The following NSD1 variants were observed in gnomAD, a reference collection of about 807,000 sequenced individuals.
NSD1 encodes nuclear receptor binding SET domain protein 1, also known as histone-lysine N-methyltransferase, H3 lysine-36 specific.
In NSD1, 26 loss-of-function variants were observed where a neutral mutation model predicts 242.7. The observed-to-expected ratio is 0.11, with a 90% CI of 0.08 to 0.15. The LOEUF (loss-of-function observed/expected upper bound fraction) is 0.15, where lower values mean the gene tolerates loss of function less well. Among genes scored for constraint, NSD1 ranks in the 10% least tolerant of loss-of-function variants. The pLI is 1.00. For synonymous variants in NSD1, 1,106 were observed against 1,178.1 expected (o/e 0.94, Z 1.25); for missense variants, 2,495 against 3,272.8 (o/e 0.76, Z 5.80).
At chr5:177,282,625 AT>A (rs1758983800) in intron 19 of NSD1, 44 bp downstream of exon 19, 2 of 1,354,308 alleles carry the variant, frequency 1.5e-6, no homozygotes, top group African/African-American at 2.9e-5. Context: ...AAGATTGTAA[AT>A]TTGTGTTGTC....
Position 177,238,247 on chromosome 5 carries a change from G to A in NSD1, c.3932G>A (p.Arg1311His), listed in dbSNP as rs760426933. Residue 1311 changes from arginine to histidine, a missense_variant, in exon 7 of 23, where the codon CGC becomes CAC. Around this residue, in one of 19 missense-constraint regions of NSD1, gnomAD observed 100 missense variants for 190.7 expected, o/e 0.52. Transcript: ENST00000439151. The surrounding 1 kb of genome is among the most constrained non-coding windows in gnomAD (Gnocchi z 4.6). ...VQEQVHKVSS[R>H]CEEESLLARG... ...ATTTTTTGTTCTTAGGTAAGTTCCCGCTGTGAAGAGGAAAGCCTTCTAGCC... is the reference window on the plus strand; with the variant it reads ...ATTTTTTGTTCTTAGGTAAGTTCCCACTGTGAAGAGGAAAGCCTTCTAGCC... 6.2e-6 allele frequency: 10 copies of A among 1,614,014 alleles called. No homozygotes were observed. Among genetic ancestry groups the A allele is most frequent in the Non-Finnish European group, 7.6e-6 (9 of 1,180,000 alleles).
intron 2 of NSD1, among the ~76,000 whole-genome samples, chr5:177,144,767 A>G (rs1038698915): frequency 6.6e-6 from 1 of 152,182 alleles, no homozygotes. Flanking sequence ...AGCAATTCCT[A>G]TGAACCTTTT....
chr5:177,270,913 A>C (rs1008898631), intron 16 of NSD1, among the ~76,000 whole-genome samples: 1 of 152,214 alleles, frequency 6.6e-6, no homozygotes. Flanking sequence ...ACAAAAATAC[A>C]TAGTACTGTG....
chr5:177,170,982 A>T, intron 2 of NSD1, among the ~76,000 whole-genome samples: 1 of 151,688 alleles, frequency 6.6e-6, no homozygotes. Context: ...TTGTCACTTC[A>T]AAATGAAACC....
intron 2 of NSD1, among the ~76,000 whole-genome samples, chr5:177,148,243 A>T (rs887429308): frequency 2.0e-5 from 3 of 148,924 alleles, no homozygotes; most frequent in African/African-American, 7.4e-5. Flanking sequence ...TCAGCCTCGC[A>T]TGTAGCTGGG....
At chr5:177,257,492 A>G (rs764273773) in intron 13 of NSD1, among the ~76,000 whole-genome samples, 101 of 152,184 alleles carry the variant, frequency 6.6e-4, no homozygotes, top group Non-Finnish European at 1.3e-3. Context: ...CGGCCTCCCA[A>G]AGTGCTGGGA....
At chr5:177,204,867 A>T (rs185460511) in intron 4 of NSD1, among the ~76,000 whole-genome samples, 24 of 152,088 alleles carry the variant, frequency 1.6e-4, no homozygotes, top group Admixed American at 1.4e-3. Context: ...TTGATAAATT[A>T]TTTTAGTCAA....
intron 14 of NSD1, chr5:177,266,382 G>C: frequency 1.5e-6 from 1 of 673,146 alleles, no homozygotes; most frequent in East Asian, 3.1e-5. Context: ...CGGCGAACAT[G>C]CAGAGGATGC....
intron 13 of NSD1, among the ~76,000 whole-genome samples, chr5:177,257,618 A>G (rs1756598428): frequency 6.6e-6 from 1 of 152,062 alleles, no homozygotes; most frequent in Non-Finnish European, 1.5e-5. Context: ...CCAACATTGT[A>G]TTTGGGAGAG....
chr5:177,135,905 G>C lies in NSD1; in HGVS notation c.802G>C (p.Glu268Gln). ...FSLGDTNITI[E>Q]EQLNSINLSF... Reference sequence around the variant, plus strand: ...ACTAGGAGACACAAACATTACAATAGAAGAGCAATTAAACTCAATAAATTT... The same window carrying C: ...ACTAGGAGACACAAACATTACAATACAAGAGCAATTAAACTCAATAAATTT... Residue 268 changes from glutamate (E) to glutamine (Q), a missense_variant, in exon 2 of 23, where the codon GAA (glutamate) becomes CAA (glutamine). Physicochemically the swap from Glu to Gln is conservative, Grantham distance 29 (BLOSUM62 2). Coordinates refer to ENST00000439151, the MANE Select transcript of NSD1 (RefSeq NM_022455.5). The C allele has an allele frequency of 1.2e-6, 2 of 1,612,192 alleles. No homozygotes were observed. The highest frequency in any genetic ancestry group is 1.1e-5 in the South Asian group (1 of 91,012).
At chr5:177,276,753 A>G (rs1027029551) in intron 17 of NSD1, among the ~76,000 whole-genome samples, 1 of 152,162 alleles carries the variant, frequency 6.6e-6, no homozygotes, top group African/African-American at 2.4e-5. Context: ...TATAGGCATG[A>G]GCTGCCACTC....
chr5:177,235,345 C>T (rs981544745), intron 5 of NSD1, among the ~76,000 whole-genome samples: 2 of 152,044 alleles, frequency 1.3e-5, no homozygotes, highest in Non-Finnish European at 2.9e-5. Context: ...GGTCCCATCC[C>T]CAAGATAACT....
intron 2 of NSD1, among the ~76,000 whole-genome samples, chr5:177,163,862 T>A (rs1758953425): frequency 6.6e-6 from 1 of 152,232 alleles, no homozygotes; most frequent in South Asian, 2.1e-4. Flanking sequence ...TAAGGTCATC[T>A]GCTTTCAGAG....
At chr5:177,151,580 G>A (rs1041513817) in intron 2 of NSD1, among the ~76,000 whole-genome samples, 2 of 151,604 alleles carry the variant, frequency 1.3e-5, no homozygotes, top group Non-Finnish European at 2.9e-5. Flanking sequence ...GTAGAGATGG[G>A]ATTTCTCCAT....
rs142974596 is a variant in NSD1, at chr5:177,268,492, A to G, written c.5303+774A>G. On this transcript the variant is annotated intron_variant, in intron 15 of 22. Transcript: ENST00000439151. Reference sequence around the variant, plus strand: ...AGTATAATAATAATAAAATTAAAAAATATATTTTGATTGAATATGGAAAGC... The same window carrying G: ...AGTATAATAATAATAAAATTAAAAAGTATATTTTGATTGAATATGGAAAGC... Among the ~76,000 whole-genome samples, 23 of 152,268 alleles carry G rather than the reference A, an allele frequency of 1.5e-4. No homozygotes were observed. The East Asian group carries it at 4.4e-3, about 29-fold the overall frequency.
At chr5:177,186,586 CTTAG>C (rs575638624) in intron 2 of NSD1, among the ~76,000 whole-genome samples, 45 of 152,204 alleles carry the variant, frequency 3.0e-4, no homozygotes, top group Non-Finnish European at 5.6e-4. Flanking sequence ...AGAGCCACTT[CTTAG>C]TTAGAGTTGT....
At chr5:177,138,886 G>T (rs1004235725) in intron 2 of NSD1, among the ~76,000 whole-genome samples, 1 of 147,802 alleles carries the variant, frequency 6.8e-6, no homozygotes, top group Non-Finnish European at 1.5e-5. Context: ...TGATCCACCC[G>T]CCTCAGCCTC....
At position 177,194,771 on chromosome 5, in the gene NSD1, G is replaced by A. The variant is rs185185086; in HGVS notation, c.1063+2752G>A. Among the ~76,000 whole-genome samples the A allele has an allele frequency of 2.4e-3, 312 of 130,636 alleles. 4 individuals carry two copies. The East Asian group carries it at 0.029, about 12-fold the overall frequency. The allele number at this position is 130,636 out of a possible 152,430, so 85.7% of individuals were successfully genotyped here. A position where few individuals can be genotyped will look rare whatever the true frequency, so the allele number is the denominator to read the frequency against. ...GGTTGGAGTGCAGTGGCACAATCTC[G>A]GCTCACTGCAAGCTCCACCTCCTGG... On this transcript the variant is annotated intron_variant, in intron 3 of 22. Transcript: ENST00000439151.
intron 2 of NSD1, among the ~76,000 whole-genome samples, chr5:177,187,100 CTTTTTTTT>C (rs11285630): frequency 1.3e-5 from 1 of 76,530 alleles, no homozygotes; most frequent in South Asian, 4.6e-4. Context: ...TGTGACTTAA[CTTTTTTTT>C]TTTTTTTTTT....
Sources: allele counts gnomAD v4.1 joint callset (sites outside exome capture counted in the v4.1 genomes callset), GRCh38; gene constraint gnomAD v4.1.1; regional missense constraint gnomAD v4.1.1; non-coding constraint Gnocchi (gnomAD v3.1); transcripts MANE v1.5; gene names NCBI Gene and HGNC (gene_info 2026-07-23, HGNC 2026-07-21).